Variants in GPC5 observed in about 807,000 individuals in gnomAD.
GPC5 encodes glypican 5.
In GPC5, 47 loss-of-function variants were observed where a neutral mutation model predicts 53.9. The ratio of observed to expected loss-of-function variants is 0.87; its 90% CI spans 0.69 to 1.11. The LOEUF (loss-of-function observed/expected upper bound fraction) is 1.11. GPC5 is among the 50% of genes most tolerant of loss of function. GPC5 has a pLI of 0.00. For synonymous variants in GPC5, 286 were observed against 263.3 expected, an observed-to-expected ratio of 1.09 and a Z score of -0.84; for missense variants, 748 against 713.1, an observed-to-expected ratio of 1.05 and a Z score of -0.56.
intron 7 of GPC5, among the ~76,000 whole-genome samples, chr13:92,710,210 G>A (rs1378358670): frequency 6.6e-6 from 1 of 152,118 alleles, no homozygotes; most frequent in Non-Finnish European, 1.5e-5. Flanking sequence ...AATTATCTCT[G>A]TAAATGATGT....
rs189347231 is a variant in GPC5 at position 91,440,510 on chromosome 13, C to G, written c.164-8251C>G. On this transcript the variant is annotated intron_variant, in intron 1 of 7. Transcript: ENST00000377067. ...CTATAATTTATTCTGAGTTTATGTT[C>G]TTTTACCTCATTGGAGATAGTTGTA... Among the ~76,000 whole-genome samples, 188 of 152,200 alleles carry G rather than the reference C, an allele frequency of 1.2e-3. 1 individual carries two copies. Among genetic ancestry groups the G allele is most frequent in the Middle Eastern group, 6.8e-3 (2 of 294 alleles).
chr13:91,974,478 G>A, intron 6 of GPC5, among the ~76,000 whole-genome samples: 1 of 151,266 alleles, frequency 6.6e-6, no homozygotes, highest in East Asian at 1.9e-4. Flanking sequence ...ACCAATAACA[G>A]ACAAACAGAA....
chr13:92,218,206 T>C (rs2042424831), intron 7 of GPC5, among the ~76,000 whole-genome samples: 1 of 152,006 alleles, frequency 6.6e-6, no homozygotes, highest in Non-Finnish European at 1.5e-5. Flanking sequence ...GGGACTACAG[T>C]TGCTCACTTT....
At chr13:92,722,604 T>A (rs1353994502) in intron 7 of GPC5, among the ~76,000 whole-genome samples, 5 of 151,816 alleles carry the variant, frequency 3.3e-5, no homozygotes, top group Non-Finnish European at 5.9e-5. Context: ...TTATCTTTTT[T>A]AAAAATTTTA....
chr13:92,176,892 T>A lies in GPC5; in HGVS notation c.1561+31903T>A, dbSNP rs568737963. 2.0e-4 allele frequency among the ~76,000 whole-genome samples: 30 copies of A among 152,286 alleles called. No individual in the cohort carries two copies. The South Asian group carries it at 5.4e-3, about 27-fold the overall frequency. On this transcript the variant is annotated intron_variant, in intron 7 of 7. Coordinates refer to ENST00000377067, the MANE Select transcript of GPC5 (RefSeq NM_004466.6). The stretch of plus-strand genomic sequence containing the variant: ...GATAATTCAATTCTCCATCTATTTA[T>A]CCCTTCATCAGTCATTAACTACCAA...
At chr13:92,825,316 T>C (rs1220299301) in intron 7 of GPC5, among the ~76,000 whole-genome samples, 2 of 152,098 alleles carry the variant, frequency 1.3e-5, no homozygotes, top group South Asian at 2.1e-4. Flanking sequence ...ACACCAAAGG[T>C]AGTCCTAAAA....
At chr13:92,054,575 C>G (rs1458755608) in intron 6 of GPC5, among the ~76,000 whole-genome samples, 1 of 152,080 alleles carries the variant, frequency 6.6e-6, no homozygotes, top group Non-Finnish European at 1.5e-5. Flanking sequence ...CAAGTTATAA[C>G]CCACATTATA....
chr13:92,125,924 G>GTTTTTTTTTTTTTTTTTTTTT (rs1190169532), intron 6 of GPC5, among the ~76,000 whole-genome samples: 4 of 75,876 alleles, frequency 5.3e-5, no homozygotes, highest in African/African-American at 2.1e-4. Flanking sequence ...TTGTTTTTTG[G>GTTTTTTTTTTTTTTTTTTTTT]TTTTTTTTTT....
At chr13:91,729,713 A>G (rs1233036006) in intron 4 of GPC5, among the ~76,000 whole-genome samples, 1 of 152,166 alleles carries the variant, frequency 6.6e-6, no homozygotes, top group Non-Finnish European at 1.5e-5. Flanking sequence ...AAACACCTAC[A>G]ATGATCAGCA....
At chr13:92,806,429 C>A (rs1877102235) in intron 7 of GPC5, among the ~76,000 whole-genome samples, 1 of 152,064 alleles carries the variant, frequency 6.6e-6, no homozygotes, top group African/African-American at 2.4e-5. Flanking sequence ...TGGAGTAGCA[C>A]TTTCAATTTC....
intron 7 of GPC5, among the ~76,000 whole-genome samples, chr13:92,552,524 G>A (rs1035778288): frequency 4.0e-5 from 6 of 151,876 alleles, no homozygotes; most frequent in African/African-American, 1.4e-4. Flanking sequence ...CCAGTGCTAA[G>A]GCTCAAATTT....
chr13:91,629,564 A>T (rs535021782), intron 2 of GPC5, among the ~76,000 whole-genome samples: 1 of 152,096 alleles, frequency 6.6e-6, no homozygotes, highest in East Asian at 1.9e-4. Flanking sequence ...AATCGCTTGA[A>T]CCCAGGAGGC....
At position 92,277,905 on chromosome 13, in the gene GPC5, A is replaced by G. The variant is rs368053245; in HGVS notation, c.1561+132916A>G. 7.2e-5 allele frequency among the ~76,000 whole-genome samples: 11 copies of G among 152,026 alleles called. No individual in the cohort carries two copies. The East Asian group carries it at 9.6e-4, about 13-fold the overall frequency. ...GATGGTATTTAGATACTAGAAAAATATAGTCATATATACTTAATTTACTAT... is the reference window on the plus strand; with the variant it reads ...GATGGTATTTAGATACTAGAAAAATGTAGTCATATATACTTAATTTACTAT... On this transcript the variant is annotated intron_variant, in intron 7 of 7. Transcript: ENST00000377067.
intron 7 of GPC5, among the ~76,000 whole-genome samples, chr13:92,671,323 G>A (rs1236696348): frequency 1.3e-5 from 2 of 152,136 alleles, no homozygotes; most frequent in African/African-American, 4.8e-5. Flanking sequence ...ATTAGAGTAG[G>A]TGCTCAGCCA....
intron 2 of GPC5, among the ~76,000 whole-genome samples, chr13:91,521,491 C>T (rs1566473044): frequency 6.6e-6 from 1 of 152,114 alleles, no homozygotes; most frequent in Non-Finnish European, 1.5e-5. Context: ...TCTTTTCCTC[C>T]TTGGTTAAAT....
chr13:91,424,436 C>G (rs1878873494), intron 1 of GPC5, among the ~76,000 whole-genome samples: 1 of 147,980 alleles, frequency 6.8e-6, no homozygotes, highest in Non-Finnish European at 1.5e-5. Context: ...GCGATCTCGG[C>G]TCACTGAAAC....
chr13:91,979,800 G>A (rs2040341141), intron 6 of GPC5, among the ~76,000 whole-genome samples: 1 of 131,602 alleles, frequency 7.6e-6, no homozygotes, highest in Admixed American at 7.6e-5. Context: ...TAAGATTGCA[G>A]CAACAGCACT....
At chr13:91,983,196 A>C (rs555195649) in intron 6 of GPC5, among the ~76,000 whole-genome samples, 2 of 152,250 alleles carry the variant, frequency 1.3e-5, no homozygotes, top group South Asian at 4.2e-4. Flanking sequence ...ATACAAAAAA[A>C]TTAGCCGGGC....
At chr13:92,162,223 A>G (rs1593947252) in intron 7 of GPC5, among the ~76,000 whole-genome samples, 1 of 151,978 alleles carries the variant, frequency 6.6e-6, no homozygotes, top group Admixed American at 6.6e-5. Flanking sequence ...CAGCTTCTTT[A>G]TAGTTCCAAC....
Sources: allele counts gnomAD v4.1 joint callset (sites outside exome capture counted in the v4.1 genomes callset), GRCh38; gene constraint gnomAD v4.1.1; transcripts MANE v1.5; gene names NCBI Gene and HGNC (gene_info 2026-07-23, HGNC 2026-07-21).